The following GMDS variants were observed in gnomAD, a reference collection of about 807,000 sequenced individuals.
GMDS encodes GDP-mannose 4,6 dehydratase.
Under a neutral mutation model 49.9 loss-of-function variants are expected in GMDS, and 20 were observed. The observed-to-expected ratio is 0.40, with a 90% CI of 0.28 to 0.58. The LOEUF is 0.58. GMDS is among the 20% of genes least tolerant of loss of function. GMDS has a pLI of 0.42. For synonymous variants in GMDS, 177 were observed against 178.6 expected (o/e 0.99, Z 0.07); for missense variants, 362 against 481.4 (o/e 0.75, Z 2.32).
chr6:1,921,293 G>C (rs1761703646), intron 7 of GMDS, among the ~76,000 whole-genome samples: 1 of 152,124 alleles, frequency 6.6e-6, no homozygotes, highest in African/African-American at 2.4e-5. Flanking sequence ...AATGCACCCA[G>C]TCTCATGTTT....
intron 7 of GMDS, among the ~76,000 whole-genome samples, chr6:1,919,436 T>G (rs1761600091): frequency 6.6e-6 from 1 of 152,232 alleles, no homozygotes; most frequent in Non-Finnish European, 1.5e-5. Flanking sequence ...AGGCCAACAA[T>G]GTAAAGACAA....
chr6:2,068,660 T>C (rs1047465800), intron 4 of GMDS, among the ~76,000 whole-genome samples: 4 of 152,106 alleles, frequency 2.6e-5, no homozygotes, highest in African/African-American at 9.7e-5. Flanking sequence ...TGAACTCCCA[T>C]TCACAATTGC....
At chr6:1,854,947 TTG>T (rs1162343901) in intron 7 of GMDS, among the ~76,000 whole-genome samples, 2 of 152,214 alleles carry the variant, frequency 1.3e-5, no homozygotes, top group African/African-American at 2.4e-5. Flanking sequence ...TGGTTATTTT[TTG>T]TGTTTTCTTT....
intron 7 of GMDS, among the ~76,000 whole-genome samples, chr6:1,878,276 C>T (rs1231573713): frequency 1.5e-5 from 2 of 134,662 alleles, no homozygotes; most frequent in Admixed American, 8.5e-5. Context: ...GATTGCACCA[C>T]TGCACTCCAG....
chr6:2,100,577 A>G (rs1773863364), intron 4 of GMDS, among the ~76,000 whole-genome samples: 1 of 152,090 alleles, frequency 6.6e-6, no homozygotes, highest in Non-Finnish European at 1.5e-5. Flanking sequence ...AATATTTTGT[A>G]TGTGGCAACA....
chr6:2,039,799 A>G (rs1201471853), intron 4 of GMDS, among the ~76,000 whole-genome samples: 6 of 152,190 alleles, frequency 3.9e-5, no homozygotes, highest in Non-Finnish European at 8.8e-5. Flanking sequence ...AAGCTGTTTT[A>G]TAGTTAACTT....
intron 7 of GMDS, among the ~76,000 whole-genome samples, chr6:1,843,384 T>C (rs1015700004): frequency 1.3e-5 from 2 of 152,298 alleles, no homozygotes; most frequent in East Asian, 3.9e-4. Context: ...TCTGGACTCC[T>C]ATGTTAGAAA....
At chr6:2,065,878 C>T (rs1268148753) in intron 4 of GMDS, among the ~76,000 whole-genome samples, 1 of 152,310 alleles carries the variant, frequency 6.6e-6, no homozygotes, top group Non-Finnish European at 1.5e-5. Flanking sequence ...CTTCCCCAAT[C>T]TAGCAAGGCA....
chr6:2,184,072 T>C (rs187193213), intron 1 of GMDS, among the ~76,000 whole-genome samples: 207 of 152,308 alleles, frequency 1.4e-3, no homozygotes, highest in African/African-American at 4.8e-3. Context: ...TATTGTCATA[T>C]TCACTTTGGG....
At chr6:1,841,882 C>T (rs1357199102) in intron 7 of GMDS, among the ~76,000 whole-genome samples, 2 of 152,200 alleles carry the variant, frequency 1.3e-5, no homozygotes, top group African/African-American at 4.8e-5. Context: ...CCAGAACGTC[C>T]TGCAATGCCT....
At chr6:1,861,168 G>A (rs1477837002) in intron 7 of GMDS, among the ~76,000 whole-genome samples, 3 of 152,200 alleles carry the variant, frequency 2.0e-5, no homozygotes, top group African/African-American at 4.8e-5. Context: ...GGAGGGTGAC[G>A]TGCACACAAG....
At chr6:1,939,538 C>CATATATACAT (rs145225208) in intron 6 of GMDS, among the ~76,000 whole-genome samples, 4 of 149,782 alleles carry the variant, frequency 2.7e-5, no homozygotes, top group East Asian at 2.0e-4. Context: ...TATATATACA[C>CATATATACAT]ATATATACAT....
At chr6:2,140,561 G>C (rs748342078) in intron 1 of GMDS, among the ~76,000 whole-genome samples, 8 of 152,204 alleles carry the variant, frequency 5.3e-5, no homozygotes, top group Non-Finnish European at 8.8e-5. Context: ...AATCTAGCAA[G>C]CAGTCGTTCC....
intron 1 of GMDS, among the ~76,000 whole-genome samples, chr6:2,229,652 C>A (rs1406244177): frequency 6.6e-6 from 1 of 152,130 alleles, no homozygotes; most frequent in Non-Finnish European, 1.5e-5. Context: ...TCTTTCTCTC[C>A]TCTCCCTTTA....
chr6:1,645,451 G>A (rs1367541899), intron 9 of GMDS, among the ~76,000 whole-genome samples: 1 of 152,196 alleles, frequency 6.6e-6, no homozygotes, highest in Non-Finnish European at 1.5e-5. Context: ...CTACCCCCAT[G>A]ATGGCATGTG....
rs115512578 is a variant in GMDS at position 2,037,235 on chromosome 6, A to G, written c.346-76269T>C. Among the ~76,000 whole-genome samples, 433 of 152,330 alleles carry G rather than the reference A, an allele frequency of 2.8e-3. 1 individual carries two copies. The highest frequency in any genetic ancestry group is 9.1e-3 in the African/African-American group (380 of 41,580). Reference sequence around the variant, plus strand: ...TCTTGTACAAGTAAAAGAAGGTGGGAAACAGATAAAAATCTTAGTGGAGAG... The same window carrying G: ...TCTTGTACAAGTAAAAGAAGGTGGGGAACAGATAAAAATCTTAGTGGAGAG... On this transcript the variant is annotated intron_variant, in intron 4 of 10. Transcript: ENST00000380815.
intron 9 of GMDS, among the ~76,000 whole-genome samples, chr6:1,697,384 C>T (rs1178844326): frequency 6.6e-6 from 1 of 152,232 alleles, no homozygotes; most frequent in African/African-American, 2.4e-5. Context: ...CCAGGACTTT[C>T]TCATTTTCAG....
chr6:1,849,634 A>C (rs777124252), intron 7 of GMDS, among the ~76,000 whole-genome samples: 1 of 152,244 alleles, frequency 6.6e-6, no homozygotes, highest in Non-Finnish European at 1.5e-5. Context: ...TAATTTTAGC[A>C]TTGCAAAAAT....
chr6:2,203,051 A>G (rs1779622011), intron 1 of GMDS, among the ~76,000 whole-genome samples: 2 of 152,180 alleles, frequency 1.3e-5, no homozygotes, highest in South Asian at 4.1e-4. Flanking sequence ...AATGGCTCAT[A>G]CTTGTTAACT....
Sources: allele counts gnomAD v4.1 joint callset (sites outside exome capture counted in the v4.1 genomes callset), GRCh38; gene constraint gnomAD v4.1.1; transcripts MANE v1.5; gene names NCBI Gene and HGNC (gene_info 2026-07-23, HGNC 2026-07-21).